The following ADGRL2 variants were observed in gnomAD, a reference collection of about 807,000 sequenced individuals.
The protein encoded by ADGRL2 is calcium-independent alpha-latrotoxin receptor 2.
Under a neutral mutation model 157.4 loss-of-function variants are expected in ADGRL2, and 44 were observed. The observed-to-expected ratio is 0.28, with a 90% CI of 0.22 to 0.36. The LOEUF (loss-of-function observed/expected upper bound fraction) is 0.36, where lower values mean the gene tolerates loss of function less well. Ranked by LOEUF, ADGRL2 falls within the 10% of genes least tolerant of loss-of-function variation. ADGRL2 has a pLI of 1.00. For synonymous variants in ADGRL2, 585 were observed against 624.7 expected, an observed-to-expected ratio of 0.94 and a Z score of 0.95; for missense variants, 1,510 against 1,768.9, an observed-to-expected ratio of 0.85 and a Z score of 2.63.
intron 2 of ADGRL2, among the ~76,000 whole-genome samples, chr1:81,878,575 A>G (rs1268439345): frequency 6.6e-6 from 1 of 152,148 alleles, no homozygotes; most frequent in African/African-American, 2.4e-5. Context: ...ACTTTGCCCA[A>G]ATAATACTAA....
intron 1 of ADGRL2, among the ~76,000 whole-genome samples, chr1:81,309,637 T>G (rs1659600447): frequency 6.6e-6 from 1 of 152,184 alleles, no homozygotes; most frequent in Admixed American, 6.5e-5. Flanking sequence ...CAATCTGTAT[T>G]ATCATTATCA....
chr1:81,943,613 T>A lies in ADGRL2; in HGVS notation c.1054T>A (p.Leu352Ile). ...AATTGATTACATTTATAATACCCGA[T>A]TAAACCGAGGAGAATATGTAGATGT... ...NSIDYIYNTR[L>I]NRGEYVDVPF... Residue 352 changes from leucine (L) to isoleucine (I), a missense_variant, in exon 6 of 24, where the codon TTA (leucine) becomes ATA (isoleucine). Leu to Ile is a conservative substitution (Grantham distance 5, BLOSUM62 2). Coordinates refer to ENST00000686636, the MANE Select transcript of ADGRL2 (RefSeq NM_001366006.2). This position sits in a 1 kb window ranked among gnomAD's most constrained non-coding sequence, Gnocchi z 5.6. 6.2e-7 allele frequency: 1 copy of A among 1,613,728 alleles called. No individual in the cohort carries two copies.
In ADGRL2 at chr1:81,951,989, C is replaced by T. The variant is rs1238782017; in HGVS notation, c.1641C>T (p.Ala547=). 6.2e-6 allele frequency: 10 copies of T among 1,609,280 alleles called. No homozygotes were observed. In the African/African-American group the frequency reaches 1.2e-4, roughly 19 times the overall value. The part of the protein sequence containing the change: ...IRSGENAASL[A]NELAKHTKGP... ...GCGGAGAAAATGCTGCTAGTCTTGC[C>T]AATGAACTGGCTAAACATACCAAAG... Residue 547 remains alanine, a synonymous_variant, in exon 9 of 24, where the codon GCC becomes GCT. Coordinates refer to ENST00000686636, the MANE Select transcript of ADGRL2 (RefSeq NM_001366006.2).
chr1:81,504,973 C>A, intron 2 of ADGRL2: 1 of 341,250 alleles, frequency 2.9e-6, no homozygotes, highest in South Asian at 3.7e-5. Context: ...GTCGAGGAAG[C>A]CCTGGAATGT....
At chr1:81,607,316 G>T (rs1213667608) in intron 3 of ADGRL2, among the ~76,000 whole-genome samples, 1 of 152,122 alleles carries the variant, frequency 6.6e-6, no homozygotes, top group Admixed American at 6.5e-5. Flanking sequence ...TAGGCTCTGG[G>T]GACTTACCGG....
intron 21 of ADGRL2, among the ~76,000 whole-genome samples, chr1:81,986,688 C>T (rs1223480261): frequency 6.6e-6 from 1 of 151,958 alleles, no homozygotes; most frequent in Admixed American, 6.6e-5. Flanking sequence ...TTAGAAAGCA[C>T]CTGTGAATTA....
rs931522480 is a variant in ADGRL2 at position 81,881,911 on chromosome 1, T to C, written c.74-25106T>C. On this transcript the variant is annotated intron_variant, in intron 2 of 23. Coordinates refer to ENST00000686636, the MANE Select transcript of ADGRL2 (RefSeq NM_001366006.2). Reference sequence around the variant, plus strand: ...AGTGAATACTAGATTGATTTGTTTTTTTCCTTTTCTCCATTTCCTTTCACT... The same window carrying C: ...AGTGAATACTAGATTGATTTGTTTTCTTCCTTTTCTCCATTTCCTTTCACT... 1.2e-4 allele frequency among the ~76,000 whole-genome samples: 19 copies of C among 152,300 alleles called. No homozygotes were observed. The East Asian group carries it at 3.7e-3, about 29-fold the overall frequency.
chr1:81,312,636 A>C (rs1386128747), intron 1 of ADGRL2, among the ~76,000 whole-genome samples: 1 of 152,162 alleles, frequency 6.6e-6, no homozygotes, highest in Non-Finnish European at 1.5e-5. Context: ...TCATTTTTTC[A>C]GCCTTTAGCC....
At position 81,991,724 on chromosome 1, in the gene ADGRL2, C is replaced by T. The variant is rs1664620337; in HGVS notation, c.*579C>T. The T allele has an allele frequency of 6.6e-6, 1 of 152,646 alleles. No homozygotes were observed. Among genetic ancestry groups the T allele is most frequent in the Non-Finnish European group, 1.5e-5 (1 of 68,100 alleles). The allele number at this position is 152,646 out of a possible 1,614,324, so 9.5% of individuals were successfully genotyped here. A position where few individuals can be genotyped will look rare whatever the true frequency, so the allele number is the denominator to read the frequency against. On this transcript the variant is annotated 3_prime_UTR_variant, in exon 24 of 24. Coordinates refer to ENST00000686636, the MANE Select transcript of ADGRL2 (RefSeq NM_001366006.2). Reference sequence around the variant, plus strand: ...GGCCTTATTTCATATGTTTCCTCAACTGTACAATGAACTATTCTCATGAAA... The same window carrying T: ...GGCCTTATTTCATATGTTTCCTCAATTGTACAATGAACTATTCTCATGAAA...
chr1:81,659,219 G>T (rs1291937525), intron 3 of ADGRL2, among the ~76,000 whole-genome samples: 1 of 151,650 alleles, frequency 6.6e-6, no homozygotes, highest in African/African-American at 2.4e-5. Context: ...GCACCATCAC[G>T]GCCGGCTGAT....
chr1:81,403,612 A>C (rs1358803376), intron 1 of ADGRL2, among the ~76,000 whole-genome samples: 1 of 152,092 alleles, frequency 6.6e-6, no homozygotes, highest in Non-Finnish European at 1.5e-5. Flanking sequence ...GGCATATCAA[A>C]AGTGGTGTTA....
At chr1:81,504,059 C>T (rs1378187406) in intron 2 of ADGRL2, among the ~76,000 whole-genome samples, 4 of 152,310 alleles carry the variant, frequency 2.6e-5, no homozygotes, top group African/African-American at 9.6e-5. Context: ...GCCCCAGATC[C>T]CCCTTCTAAT....
At chr1:81,355,580 G>T (rs377648802) in intron 1 of ADGRL2, among the ~76,000 whole-genome samples, 9 of 152,096 alleles carry the variant, frequency 5.9e-5, no homozygotes, top group African/African-American at 1.9e-4. Context: ...TAAAAGTGAA[G>T]GTTTATAGTT....
At chr1:81,490,130 C>CT (rs59757979) in intron 2 of ADGRL2, among the ~76,000 whole-genome samples, 1,504 of 132,442 alleles carry the variant, frequency 0.011, 8 homozygotes, top group Non-Finnish European at 0.015. Flanking sequence ...TTAACATATT[C>CT]TTTTTTTTTT....
intron 2 of ADGRL2, among the ~76,000 whole-genome samples, chr1:81,539,635 A>G (rs550523977): frequency 6.6e-6 from 1 of 152,240 alleles, no homozygotes; most frequent in South Asian, 2.1e-4. Flanking sequence ...TCCTTCTCCT[A>G]TAGAAGTTCT....
chr1:81,695,443 T>C (rs1399734359), upstream of ADGRL2, among the ~76,000 whole-genome samples: 1 of 152,206 alleles, frequency 6.6e-6, no homozygotes, highest in Non-Finnish European at 1.5e-5. Flanking sequence ...TATTTCCATC[T>C]GGAAGGAAAG....
chr1:81,521,095 A>G (rs1014941873), intron 2 of ADGRL2, among the ~76,000 whole-genome samples: 1 of 152,222 alleles, frequency 6.6e-6, no homozygotes, highest in Non-Finnish European at 1.5e-5. Flanking sequence ...CGTCATCTTT[A>G]TTCTGGAAGG....
intron 2 of ADGRL2, among the ~76,000 whole-genome samples, chr1:81,779,146 A>G (rs1329914433): frequency 6.6e-6 from 1 of 152,230 alleles, no homozygotes; most frequent in Non-Finnish European, 1.5e-5. Context: ...AAAGTAGTGA[A>G]CAAATCAAAG....
intron 1 of ADGRL2, among the ~76,000 whole-genome samples, chr1:81,750,179 C>T (rs1405877364): frequency 6.6e-6 from 1 of 152,096 alleles, no homozygotes; most frequent in East Asian, 1.9e-4. Context: ...TTTCTGTTCA[C>T]CTAACCTATG....
Sources: allele counts gnomAD v4.1 joint callset (sites outside exome capture counted in the v4.1 genomes callset), GRCh38; gene constraint gnomAD v4.1.1; non-coding constraint Gnocchi (gnomAD v3.1); transcripts MANE v1.5; gene names NCBI Gene and HGNC (gene_info 2026-07-23, HGNC 2026-07-21).